CNBD2: variants seen among roughly 807,000 people sequenced by gnomAD.
The protein encoded by CNBD2 is cyclic nucleotide binding domain containing 2.
A neutral mutation model predicts 63.7 loss-of-function variants in CNBD2; 64 were observed. The ratio of observed to expected loss-of-function variants is 1.00; its 90% confidence interval spans 0.82 to 1.24. The LOEUF (loss-of-function observed/expected upper bound fraction) is 1.24. Ranked by LOEUF, CNBD2 falls within the 50% of genes most tolerant of loss-of-function variation. The pLI is 0.00. For missense variants in CNBD2, 691 were observed against 713.5 expected (o/e 0.97, Z 0.36); for synonymous variants, 229 against 255.4 (o/e 0.90, Z 0.99).
chr20:36,027,402 G>A (rs1161338053), intron 11 of CNBD2, among the ~76,000 whole-genome samples: 2 of 152,152 alleles, frequency 1.3e-5, no homozygotes, highest in Admixed American at 6.6e-5. Context: ...CCTTCTCTAG[G>A]CTTTTGACTC....
chr20:36,020,524 A>G (rs996323690), intron 10 of CNBD2, among the ~76,000 whole-genome samples: 2 of 152,220 alleles, frequency 1.3e-5, no homozygotes, highest in Admixed American at 6.5e-5. Context: ...GTGAGTGCTC[A>G]ATAAATGTTT....
At chr20:36,013,933 G>A (rs995048589) in intron 10 of CNBD2, among the ~76,000 whole-genome samples, 70 of 152,096 alleles carry the variant, frequency 4.6e-4, no homozygotes, top group Non-Finnish European at 8.7e-4. Flanking sequence ...TGTAATCCCA[G>A]CACTTTGGGA....
At chr20:35,975,851 C>T (rs2056509447) in intron 2 of CNBD2, 98 bp from the exon 3 acceptor site, 1 of 1,125,450 alleles carries the variant, frequency 8.9e-7, no homozygotes, top group Non-Finnish European at 1.3e-6. Flanking sequence ...GGCTTCCTGC[C>T]CACCATGGTG....
intron 7 of CNBD2, among the ~76,000 whole-genome samples, chr20:35,988,641 A>G (rs766522079): frequency 3.9e-5 from 6 of 152,212 alleles, no homozygotes; most frequent in Non-Finnish European, 8.8e-5. Flanking sequence ...GGCCATAGCC[A>G]TAGGTATAGG....
intron 7 of CNBD2, among the ~76,000 whole-genome samples, chr20:35,989,877 G>C (rs1288354604): frequency 7.2e-6 from 1 of 139,464 alleles, no homozygotes; most frequent in Non-Finnish European, 1.5e-5. Flanking sequence ...GAGAGAGAGA[G>C]AGAGAGAGAG....
In CNBD2 at chr20:35,961,210, C is replaced by T. The variant is rs145562299; in HGVS notation, c.228+3436C>T. On this transcript the variant is annotated intron_variant, in intron 2 of 4. Coordinates refer to the CNBD2 transcript ENST00000622112. The stretch of plus-strand genomic sequence containing the variant: ...CCTCCCAAAGTGCTGGGATGACAGG[C>T]GTGAGCCACCACGCCCGGCCTCTTG... 3.9e-3 allele frequency among the ~76,000 whole-genome samples: 596 copies of T among 152,330 alleles called. 1 individual carries two copies. Among genetic ancestry groups the T allele is most frequent in the African/African-American group, 0.014 (562 of 41,580 alleles).
At chr20:35,964,852 G>T (rs538437952), upstream of CNBD2, among the ~76,000 whole-genome samples, 1 of 151,730 alleles carries the variant, frequency 6.6e-6, no homozygotes, top group African/African-American at 2.4e-5. Context: ...ACAGGTTCCC[G>T]CTATAAAGCC....
chr20:36,002,168 G>A (rs2056920730), intron 8 of CNBD2, among the ~76,000 whole-genome samples: 1 of 152,260 alleles, frequency 6.6e-6, no homozygotes, highest in Non-Finnish European at 1.5e-5. Context: ...GCCAAGGCTG[G>A]CGGATCACTC....
intron 11 of CNBD2, among the ~76,000 whole-genome samples, chr20:36,029,147 C>G (rs2057314815): frequency 6.6e-6 from 1 of 152,068 alleles, no homozygotes; most frequent in Non-Finnish European, 1.5e-5. Flanking sequence ...TCTTGTCTGT[C>G]CTAGCTTAGA....
chr20:35,977,653 G>A (rs1444903846), intron 3 of CNBD2, among the ~76,000 whole-genome samples: 1 of 152,152 alleles, frequency 6.6e-6, no homozygotes, highest in Non-Finnish European at 1.5e-5. Context: ...ACTGCAGTCT[G>A]GGTGACAGAG....
At chr20:36,028,112 A>G (rs956646488) in intron 11 of CNBD2, among the ~76,000 whole-genome samples, 2 of 152,192 alleles carry the variant, frequency 1.3e-5, no homozygotes, top group African/African-American at 4.8e-5. Flanking sequence ...GGGTATTACC[A>G]ATATAGGAAA....
chr20:36,009,538 AAAAAGG>A (rs1425751594), intron 9 of CNBD2, among the ~76,000 whole-genome samples: 7 of 152,032 alleles, frequency 4.6e-5, no homozygotes, highest in African/African-American at 1.4e-4. Flanking sequence ...AAAGAAAAAG[AAAAAGG>A]AAACAGGCTG....
intron 11 of CNBD2, among the ~76,000 whole-genome samples, chr20:36,029,996 G>A (rs1020955657): frequency 2.0e-5 from 3 of 152,206 alleles, no homozygotes; most frequent in Admixed American, 6.5e-5. Flanking sequence ...CATGTAATAT[G>A]TATATACCAC....
intron 8 of CNBD2, among the ~76,000 whole-genome samples, chr20:36,007,147 C>T (rs2056996140): frequency 6.6e-6 from 1 of 151,908 alleles, no homozygotes; most frequent in African/African-American, 2.4e-5. Context: ...AGAGATCGCA[C>T]CACTGCACTT....
intron 8 of CNBD2, among the ~76,000 whole-genome samples, chr20:35,998,023 ATTTCTTT>A (rs1384803906): frequency 7.2e-6 from 1 of 139,708 alleles, no homozygotes; most frequent in Non-Finnish European, 1.6e-5. Context: ...TCTGTTACTG[ATTTCTTT>A]TTTCTTTTTC....
intron 10 of CNBD2, 143 bp downstream of exon 10, chr20:36,011,400 G>C (rs934860801): frequency 8.9e-7 from 1 of 1,120,620 alleles, no homozygotes; most frequent in Non-Finnish European, 1.2e-6. Flanking sequence ...GATGTGATAA[G>C]AATAGGCCGG....
In CNBD2 at chr20:35,995,296, G is replaced by A. The variant is rs1469557880; in HGVS notation, c.970+144G>A. 4 of 553,716 alleles carry A rather than the reference G, an allele frequency of 7.2e-6. No individual in the cohort carries two copies. The African/African-American group carries it at 7.7e-5, about 11-fold the overall frequency. 34.3% of individuals were successfully genotyped at this position (553,716 alleles called of 1,614,324 possible). On this transcript the variant is annotated intron_variant, in intron 8 of 11. Transcript: ENST00000373973. Reference sequence around the variant, plus strand: ...CCCTTCTACCAGCGGTGGAAACCCAGTCTGCAAGGCCCTGCCCTCCTTTCC... The same window carrying A: ...CCCTTCTACCAGCGGTGGAAACCCAATCTGCAAGGCCCTGCCCTCCTTTCC...
At chr20:35,998,741 C>T (rs6060746) in intron 8 of CNBD2, among the ~76,000 whole-genome samples, 8,267 of 151,936 alleles carry the variant, frequency 0.054, 318 homozygotes, top group South Asian at 0.21. Context: ...GGCATGGTGG[C>T]GCATGCCTGT....
intron 7 of CNBD2, among the ~76,000 whole-genome samples, chr20:35,993,774 T>A (rs570542704): frequency 6.6e-6 from 1 of 152,038 alleles, no homozygotes; most frequent in East Asian, 1.9e-4. Flanking sequence ...TGGAATAATT[T>A]TAAATTTATA....
Sources: gnomAD v4.1 joint callset for allele counts (sites outside exome capture counted in the v4.1 genomes callset) on GRCh38, gnomAD v4.1.1 for gene constraint, MANE v1.5 for transcripts, NCBI Gene and HGNC (gene_info 2026-07-23, HGNC 2026-07-21) for gene names.